The following ITGA5 variants were observed in gnomAD, a reference collection of about 807,000 sequenced individuals.
ITGA5 encodes the protein integrin subunit alpha 5.
In ITGA5, 55 loss-of-function variants were observed where a neutral mutation model predicts 146.3. That is an observed-to-expected ratio of 0.38 (90% CI 0.30 to 0.47). The LOEUF (loss-of-function observed/expected upper bound fraction) is 0.47, where lower values mean the gene tolerates loss of function less well. Among genes scored for constraint, ITGA5 ranks in the 20% least tolerant of loss-of-function variants. The probability of loss-of-function intolerance (pLI) is 0.99; values close to 1 mark genes in which losing one functional copy is unlikely to be tolerated. For synonymous variants in ITGA5, 500 were observed against 531.8 expected, an observed-to-expected ratio of 0.94 and a Z score of 0.82; for missense variants, 1,131 against 1,329.0, an observed-to-expected ratio of 0.85 and a Z score of 2.32.
rs1955695592 is a variant in ITGA5, at chr12:54,395,468, G to T, written c.*825C>A. 6.5e-6 allele frequency: 1 copy of T among 152,694 alleles called. No individual in the cohort carries two copies. Among genetic ancestry groups the T allele is most frequent in the South Asian group, 2.1e-4 (1 of 4,836 alleles). 9.5% of individuals were successfully genotyped at this position (152,694 alleles called of 1,614,324 possible). On this transcript the variant is annotated 3_prime_UTR_variant, in exon 30 of 30. Coordinates refer to ENST00000293379, the MANE Select transcript of ITGA5 (RefSeq NM_002205.5). ...TCTCTGGGGAACAGGGAGGGCCTGT[G>T]TCTGGCCAGGCTGAGGTTCCAGATC... is the stretch of plus-strand genomic sequence containing the variant.
Position 54,405,203 on chromosome 12 carries a change from C to T in ITGA5, c.1188G>A (p.Leu396=), listed in dbSNP as rs1179361955. ...CCTGGTCCAGGTCCCCCAGGGGGGTCAAGGAGCTGCCAAATCGGCCAAACT... is the reference window on the plus strand; with the variant it reads ...CCTGGTCCAGGTCCCCCAGGGGGGTTAAGGAGCTGCCAAATCGGCCAAACT... ...HDEFGRFGSS[L]TPLGDLDQDG... The change falls in exon 12 of 30, where the codon TTG becomes TTA. Residue 396 remains leucine (L), a synonymous_variant. Transcript: ENST00000293379. 1 of 1,611,516 alleles carries T rather than the reference C, an allele frequency of 6.2e-7. No individual in the cohort carries two copies. The highest frequency in any genetic ancestry group is 1.3e-5 in the African/African-American group (1 of 74,892).
In ITGA5 at chr12:54,404,242, G is replaced by A. The variant is rs749234827; in HGVS notation, c.1468C>T (p.Arg490Cys). The A allele has an allele frequency of 2.1e-5, 33 of 1,599,644 alleles. No homozygotes were observed. The highest frequency in any genetic ancestry group is 1.5e-4 in the South Asian group (13 of 88,358). The change falls in exon 15 of 30, where the codon CGC (arginine) becomes TGC (cysteine). Residue 490 changes from arginine to cysteine, a missense_variant. By Grantham distance (180) the Arg-to-Cys change is radical (BLOSUM62 -3). Around this residue, in one of 3 missense-constraint regions of ITGA5, gnomAD observed 889 missense variants for 1,021.5 expected, o/e 0.87. Transcript: ENST00000293379. ...GVDKAVVYRGRPIVSASASLT... is the reference protein window; with the variant it reads ...GVDKAVVYRGCPIVSASASLT... ...GAGGCACTAGCGGACACGATGGGGCGGCCCCTGCCAAGAGTGAATGTGGGG... is the reference window on the plus strand; with the variant it reads ...GAGGCACTAGCGGACACGATGGGGCAGCCCCTGCCAAGAGTGAATGTGGGG...
rs941629854 is a variant in ITGA5, at chr12:54,400,077, T to G, written c.2644-130A>C. 4.4e-5 allele frequency: 30 copies of G among 682,384 alleles called. No homozygotes were observed. The Admixed American group carries it at 4.6e-4, about 10-fold the overall frequency. The allele number at this position is 682,384 out of a possible 1,614,324, so 42.3% of individuals were successfully genotyped here. A position where few individuals can be genotyped will look rare whatever the true frequency, so the allele number is the denominator to read the frequency against. ...TTATTGATTCATCCAACTGTCCACC[T>G]CCTATGCGCAAGGCACTGAGCTCAG... is the stretch of plus-strand genomic sequence containing the variant. On this transcript the variant is annotated intron_variant, in intron 25 of 29. Transcript: ENST00000293379.
At chr12:54,411,707 G>T in intron 2 of ITGA5, 127 bp downstream of exon 2, 1 of 662,992 alleles carries the variant, frequency 1.5e-6, no homozygotes, top group Non-Finnish European at 2.3e-6. Context: ...GAGCACCAGA[G>T]CTGGTGCTGA....
Position 54,419,163 on chromosome 12 carries a change from G to A in ITGA5, c.36C>T (p.Ala12=), listed in dbSNP as rs763778984. 2.0e-5 allele frequency: 32 copies of A among 1,581,372 alleles called. No individual in the cohort carries two copies. The highest frequency in any genetic ancestry group is 4.1e-5 in the African/African-American group (3 of 74,058). The part of the protein sequence containing the change: ...GSRTPESPLH[A]VQLRWGPRRR... Reference sequence around the variant, plus strand: ...GCCGGGGGCCCCAGCGCAGCTGCACGGCGTGGAGAGGGGACTCTGGCGTCC... The same window carrying A: ...GCCGGGGGCCCCAGCGCAGCTGCACAGCGTGGAGAGGGGACTCTGGCGTCC... Residue 12 remains alanine (A), a synonymous_variant, in exon 1 of 30, where the codon GCC becomes GCT. Coordinates refer to ENST00000293379, the MANE Select transcript of ITGA5 (RefSeq NM_002205.5).
chr12:54,401,951 C>A lies in ITGA5; in HGVS notation c.2226+50G>T, dbSNP rs1046614660. 6.2e-7 allele frequency: 1 copy of A among 1,603,780 alleles called. No homozygotes were observed. Among genetic ancestry groups the A allele is most frequent in the Non-Finnish European group, 8.5e-7 (1 of 1,170,930 alleles). ...TGTGCTCTCGGCTGGCTGGTTACCG[C>A]CCTCAGGTCTGCTCTCCCTCTGTCC... On this transcript the variant is annotated intron_variant, in intron 21 of 29. Coordinates refer to ENST00000293379, the MANE Select transcript of ITGA5 (RefSeq NM_002205.5). This position sits in a 1 kb window ranked among gnomAD's most constrained non-coding sequence, Gnocchi z 5.0.
intron 8 of ITGA5, 23 bp from the exon 9 acceptor site, chr12:54,407,715 T>C: frequency 6.2e-7 from 1 of 1,612,850 alleles, no homozygotes; most frequent in Non-Finnish European, 8.5e-7. Context: ...GAGAAAGTTG[T>C]GACCTAAGGG....
At position 54,401,053 on chromosome 12, in the gene ITGA5, A is replaced by C. The variant is rs748597469; in HGVS notation, c.2494-58T>G. On this transcript the variant is annotated intron_variant, in intron 24 of 29. Transcript: ENST00000293379. This position sits in a 1 kb window ranked among gnomAD's most constrained non-coding sequence, Gnocchi z 5.0. ...GGAAGGGAATGCTTCTGCCCCATTG[A>C]GACCCTGGATCACCATGGCTCCACT... 1.3e-4 allele frequency: 202 copies of C among 1,544,860 alleles called. No individual in the cohort carries two copies. The Middle Eastern group carries it at 1.6e-3, about 12-fold the overall frequency.
rs748143130 is a variant in ITGA5, at chr12:54,402,994, C to T, written c.1971G>A (p.Leu657=). 1.9e-6 allele frequency: 3 copies of T among 1,614,126 alleles called. No homozygotes were observed. The highest frequency in any genetic ancestry group is 2.5e-6 in the Non-Finnish European group (3 of 1,180,012). Residue 657 remains leucine (L), a synonymous_variant, in exon 19 of 30, where the codon CTG becomes CTA. Coordinates refer to ENST00000293379, the MANE Select transcript of ITGA5 (RefSeq NM_002205.5). ...EDNICVPDLQ[L]EVFGEQNHVY... ...TCAGCCCTACTTACCCAAACACTTCCAGCTGCAGGTCAGGCACACAGATGT... is the reference window on the plus strand; with the variant it reads ...TCAGCCCTACTTACCCAAACACTTCTAGCTGCAGGTCAGGCACACAGATGT...
chr12:54,405,390 A>G lies in ITGA5; in HGVS notation c.1017-16T>C, dbSNP rs543431970. The G allele has an allele frequency of 6.3e-7, 1 of 1,581,490 alleles. No homozygotes were observed. The highest frequency in any genetic ancestry group is 8.6e-7 in the Non-Finnish European group (1 of 1,160,366). On this transcript the variant is annotated splice_polypyrimidine_tract_variant and intron_variant, in intron 11 of 29. Transcript: ENST00000293379. The stretch of plus-strand genomic sequence containing the variant: ...GTCATCCAGCCTGAGGGGAAGGGCA[A>G]ACCCAGGCATCTCGATACCCTGTCT...
At chr12:54,417,180 T>C (rs1368128681) in intron 1 of ITGA5, among the ~76,000 whole-genome samples, 1 of 151,864 alleles carries the variant, frequency 6.6e-6, no homozygotes, top group Non-Finnish European at 1.5e-5. Context: ...CTTTAGGGAC[T>C]ACAGGATCAG....
intron 6 of ITGA5, 46 bp from the exon 7 acceptor site, chr12:54,408,281 G>A: frequency 1.2e-6 from 2 of 1,607,446 alleles, no homozygotes; most frequent in South Asian, 2.2e-5. Context: ...AAGTGGCAGA[G>A]GGGGCTTGGG....
rs1028513220 is a variant in ITGA5, at chr12:54,401,878, A to T, written c.2227-23T>A. Reference sequence around the variant, plus strand: ...CAGCTGGGGACAGAAAAAGAGGAAAAGAGGGCAGTTAGACTGTGTATTTCA... The same window carrying T: ...CAGCTGGGGACAGAAAAAGAGGAAATGAGGGCAGTTAGACTGTGTATTTCA... On this transcript the variant is annotated intron_variant, in intron 21 of 29. Coordinates refer to ENST00000293379, the MANE Select transcript of ITGA5 (RefSeq NM_002205.5). The surrounding 1 kb of genome is among the most constrained non-coding windows in gnomAD (Gnocchi z 5.0). The T allele has an allele frequency of 6.2e-7, 1 of 1,612,088 alleles. No individual in the cohort carries two copies. The highest frequency in any genetic ancestry group is 8.5e-7 in the Non-Finnish European group (1 of 1,178,290).
At chr12:54,399,247 A>T (rs77842260) in intron 27 of ITGA5, among the ~76,000 whole-genome samples, 7,894 of 152,182 alleles carry the variant, frequency 0.052, 427 homozygotes, top group South Asian at 0.21. Context: ...TTCAATAAAA[A>T]TTTTTTTAAA....
Position 54,401,084 on chromosome 12 carries a change from C to A in ITGA5, c.2494-89G>T. On this transcript the variant is annotated intron_variant, in intron 24 of 29. Transcript: ENST00000293379. This position sits in a 1 kb window ranked among gnomAD's most constrained non-coding sequence, Gnocchi z 5.0. ...TGGATCACCATGGCTCCACTATACC[C>A]TGCTGTCAGGCTCCTATCTCAGAGA... is the stretch of plus-strand genomic sequence containing the variant. 7.6e-7 allele frequency: 1 copy of A among 1,319,070 alleles called. No individual in the cohort carries two copies. 81.7% of individuals were successfully genotyped at this position (1,319,070 alleles called of 1,614,324 possible).
intron 1 of ITGA5, 40 bp downstream of exon 1, chr12:54,418,941 C>T (rs747791657): frequency 6.2e-7 from 1 of 1,601,760 alleles, no homozygotes; most frequent in Non-Finnish European, 8.5e-7. Flanking sequence ...CTCCAGGCGG[C>T]TCCCCCACCC....
At position 54,409,198 on chromosome 12, in the gene ITGA5, C is replaced by T. The variant is rs375776519; in HGVS notation, c.583+34G>A. On this transcript the variant is annotated intron_variant, in intron 4 of 29. Coordinates refer to ENST00000293379, the MANE Select transcript of ITGA5 (RefSeq NM_002205.5). The surrounding 1 kb of genome is among the most constrained non-coding windows in gnomAD (Gnocchi z 4.7). ...GAGACACTTCAAGTATATGAGAAGG[C>T]AGACATGGGGCACAGGCCCCCTCTT... 1.3e-6 allele frequency: 2 copies of T among 1,589,540 alleles called. No individual in the cohort carries two copies. The highest frequency in any genetic ancestry group is 1.4e-5 in the African/African-American group (1 of 73,932).
intron 12 of ITGA5, 93 bp downstream of exon 12, chr12:54,405,073 C>A: frequency 7.7e-7 from 1 of 1,296,058 alleles, no homozygotes; most frequent in Non-Finnish European, 1.1e-6. Context: ...TCGTGGAGGT[C>A]TGGGTATCTT....
chr12:54,414,607 G>A (rs1281172977), intron 1 of ITGA5, among the ~76,000 whole-genome samples: 2 of 152,036 alleles, frequency 1.3e-5, no homozygotes, highest in Middle Eastern at 3.4e-3. Context: ...AGCACTTTGG[G>A]AGGCCGAGAC....
Sources: allele counts gnomAD v4.1 joint callset (sites outside exome capture counted in the v4.1 genomes callset), GRCh38; gene constraint gnomAD v4.1.1; regional missense constraint gnomAD v4.1.1; non-coding constraint Gnocchi (gnomAD v3.1); transcripts MANE v1.5; gene names NCBI Gene and HGNC (gene_info 2026-07-23, HGNC 2026-07-21).